Variants in CACNA1E observed in about 807,000 individuals in gnomAD.
CACNA1E encodes the protein voltage-dependent R-type calcium channel subunit alpha-1E.
Under a neutral mutation model 259.2 loss-of-function variants are expected in CACNA1E, and 40 were observed. The observed-to-expected ratio is 0.15, with a 90% CI of 0.12 to 0.20. The LOEUF (loss-of-function observed/expected upper bound fraction) is 0.20. Ranked by LOEUF, CACNA1E falls within the 10% of genes least tolerant of loss-of-function variation. The probability of loss-of-function intolerance (pLI) is 1.00; values close to 1 mark genes in which losing one functional copy is unlikely to be tolerated. For missense variants in CACNA1E, 1,874 were observed against 3,040.1 expected (o/e 0.62, Z 9.02); for synonymous variants, 1,104 against 1,138.5 (o/e 0.97, Z 0.61).
chr1:181,728,901 G>A (rs1359555755), intron 18 of CACNA1E, among the ~76,000 whole-genome samples: 10 of 124,894 alleles, frequency 8.0e-5, no homozygotes, highest in Non-Finnish European at 1.5e-4. Context: ...GCTCAGCTGT[G>A]TGTGCCCTGC....
At chr1:181,714,491 C>T (rs997599491) in intron 8 of CACNA1E, among the ~76,000 whole-genome samples, 2 of 152,086 alleles carry the variant, frequency 1.3e-5, no homozygotes, top group Non-Finnish European at 2.9e-5. Flanking sequence ...ATTAAACCAT[C>T]GGCCATTGGC....
chr1:181,470,411 C>G (rs1662430052), intron 2 of CACNA1E, among the ~76,000 whole-genome samples: 1 of 152,004 alleles, frequency 6.6e-6, no homozygotes, highest in African/African-American at 2.4e-5. Flanking sequence ...TCTATGTTCT[C>G]TATTCTCTCT....
chr1:181,788,694 G>A (rs1661049243), intron 43 of CACNA1E, among the ~76,000 whole-genome samples: 1 of 152,186 alleles, frequency 6.6e-6, no homozygotes, highest in Non-Finnish European at 1.5e-5. Context: ...AGATCATGAG[G>A]GAGGCTGTGT....
At chr1:181,367,594 T>A (rs955428327) in intron 1 of CACNA1E, among the ~76,000 whole-genome samples, 3 of 134,270 alleles carry the variant, frequency 2.2e-5, no homozygotes, top group African/African-American at 5.4e-5. Context: ...ATATAATATA[T>A]AACTATAATA....
chr1:181,643,506 C>T (rs1203261316), intron 6 of CACNA1E, among the ~76,000 whole-genome samples: 5 of 152,174 alleles, frequency 3.3e-5, no homozygotes, highest in African/African-American at 9.7e-5. Flanking sequence ...TGGGTTTTCA[C>T]TGACACACGG....
intron 3 of CACNA1E, among the ~76,000 whole-genome samples, chr1:181,521,988 G>A (rs1486344226): frequency 1.3e-5 from 2 of 152,170 alleles, no homozygotes; most frequent in East Asian, 1.9e-4. Context: ...TCAGGGCCTC[G>A]TTGGCATGTC....
At chr1:181,796,516 C>G (rs991492927) in intron 46 of CACNA1E, among the ~76,000 whole-genome samples, 152 bp from the exon 47 acceptor site, 1 of 152,118 alleles carries the variant, frequency 6.6e-6, no homozygotes, top group African/African-American at 2.4e-5. Context: ...CAAATTAGGC[C>G]TCAACATTTG....
chr1:181,783,664 TTC>T lies in CACNA1E; in HGVS notation c.5365-11_5365-10del. On this transcript the variant is annotated splice_polypyrimidine_tract_variant and intron_variant, in intron 39 of 47. Transcript: ENST00000367573. ...TTTTTTTTTGCCTGCTGTTTCTTTT[TTC>T]TCTTTCACACAGAGGTTGGTCCTGA... 1 of 1,519,162 alleles carries T rather than the reference TTC, an allele frequency of 6.6e-7. No individual in the cohort carries two copies. Among genetic ancestry groups the T allele is most frequent in the Non-Finnish European group, 9.0e-7 (1 of 1,106,130 alleles). 94.1% of individuals were successfully genotyped at this position (1,519,162 alleles called of 1,614,324 possible). A position where few individuals can be genotyped will look rare whatever the true frequency, so the allele number is the denominator to read the frequency against.
intron 25 of CACNA1E, among the ~76,000 whole-genome samples, chr1:181,743,138 A>G (rs1047118624): frequency 6.6e-6 from 1 of 152,204 alleles, no homozygotes; most frequent in Non-Finnish European, 1.5e-5. Flanking sequence ...GGTTGGGTTC[A>G]GGGCTTCGTT....
chr1:181,460,251 G>T (rs1449038850), intron 2 of CACNA1E, among the ~76,000 whole-genome samples: 1 of 152,174 alleles, frequency 6.6e-6, no homozygotes, highest in African/African-American at 2.4e-5. Context: ...GACTCTGGTT[G>T]CAGTTTGGAG....
rs2102927395 is a variant in CACNA1E, at chr1:181,801,863, T to G, written c.*3029T>G. On this transcript the variant is annotated 3_prime_UTR_variant, in exon 48 of 48. Transcript: ENST00000367573. Reference sequence around the variant, plus strand: ...TTCTCTTGCTAATATATGACTCGTCTTCACCATCTCCTCAAAACAAGAGCA... The same window carrying G: ...TTCTCTTGCTAATATATGACTCGTCGTCACCATCTCCTCAAAACAAGAGCA... 1 of 152,354 alleles carries G rather than the reference T, an allele frequency of 6.6e-6. No individual in the cohort carries two copies. Among genetic ancestry groups the G allele is most frequent in the Non-Finnish European group, 1.5e-5 (1 of 68,036 alleles). 9.4% of individuals were successfully genotyped at this position (152,354 alleles called of 1,614,324 possible). A position where few individuals can be genotyped will look rare whatever the true frequency, so the allele number is the denominator to read the frequency against.
In CACNA1E at chr1:181,715,344, T is replaced by A; in HGVS notation, c.1178T>A (p.Val393Asp). The change falls in exon 9 of 48, where the codon GTC (valine) becomes GAC (aspartate). Residue 393 changes from valine (V) to aspartate (D), a missense_variant. Physicochemically the swap from Val to Asp is radical, Grantham distance 152. Around this residue, in one of 14 missense-constraint regions of CACNA1E, gnomAD observed 157 missense variants for 203.5 expected, o/e 0.77. Transcript: ENST00000367573. ...YRAWIDKAEEVMLAEENKNAG... is the reference protein window; with the variant it reads ...YRAWIDKAEEDMLAEENKNAG... Reference sequence around the variant, plus strand: ...ACCATTTGTTTCCATATAGAGGAAGTCATGCTCGCTGAAGAAAATAAAAAT... The same window carrying A: ...ACCATTTGTTTCCATATAGAGGAAGACATGCTCGCTGAAGAAAATAAAAAT... 6.3e-7 allele frequency: 1 copy of A among 1,591,450 alleles called. No individual in the cohort carries two copies. Among genetic ancestry groups the A allele is most frequent in the Non-Finnish European group, 8.6e-7 (1 of 1,162,144 alleles).
chr1:181,447,435 G>A (rs1303518928), intron 2 of CACNA1E, among the ~76,000 whole-genome samples: 1 of 151,994 alleles, frequency 6.6e-6, no homozygotes, highest in Non-Finnish European at 1.5e-5. Context: ...GGAGCCTGAG[G>A]TGGGAGGATG....
intron 2 of CACNA1E, among the ~76,000 whole-genome samples, chr1:181,434,654 A>C (rs1659950902): frequency 6.6e-6 from 1 of 152,200 alleles, no homozygotes; most frequent in East Asian, 1.9e-4. Context: ...AGCAAGTTAA[A>C]GACCTTGAAG....
Position 181,483,715 on chromosome 1 carries a change from T to G in CACNA1E, c.-30T>G, listed in dbSNP as rs1456620683. ...GCGGGTGTTCGGCCGCGATCACCTT[T>G]GTGTGTCTTCTGTCTGTTTAAACCT... On this transcript the variant is annotated 5_prime_UTR_variant, in exon 1 of 48. Transcript: ENST00000367573. 1.9e-6 allele frequency: 3 copies of G among 1,557,046 alleles called. No individual in the cohort carries two copies. Among genetic ancestry groups the G allele is most frequent in the Admixed American group, 3.7e-5 (2 of 53,846 alleles).
chr1:181,338,648 A>G (rs1243611083), intron 1 of CACNA1E, among the ~76,000 whole-genome samples: 1 of 152,100 alleles, frequency 6.6e-6, no homozygotes, highest in East Asian at 1.9e-4. Flanking sequence ...GCTGTTCAGA[A>G]GCTTTTTAGT....
intron 3 of CACNA1E, among the ~76,000 whole-genome samples, chr1:181,563,630 C>G (rs1021565989): frequency 2.0e-5 from 3 of 152,148 alleles, no homozygotes; most frequent in Non-Finnish European, 2.9e-5. Flanking sequence ...ATTTTTCAGT[C>G]TTCCAGAAGG....
chr1:181,750,534 T>G (rs780983044), intron 26 of CACNA1E, 47 bp downstream of exon 26: 1 of 1,591,988 alleles, frequency 6.3e-7, no homozygotes, highest in South Asian at 1.1e-5. Flanking sequence ...AAGGAATGAG[T>G]TGGAGGAGCG....
Position 181,451,030 on chromosome 1 carries a change from A to G in CACNA1E, c.435-32714A>G, listed in dbSNP as rs78819786. On this transcript the variant is annotated intron_variant, in intron 2 of 11. Coordinates refer to the CACNA1E transcript ENST00000524607. The stretch of plus-strand genomic sequence containing the variant: ...CTGGATGGTGATAGTGGAGCCATTG[A>G]TGGCTACAGAGACAGAGAAGGCAGC... Among the ~76,000 whole-genome samples the G allele has an allele frequency of 1.5e-3, 221 of 152,318 alleles. 2 individuals are homozygous for G. In the Middle Eastern group the frequency reaches 0.024, roughly 16 times the overall value.
Sources: gnomAD v4.1 joint callset for allele counts (sites outside exome capture counted in the v4.1 genomes callset) on GRCh38, gnomAD v4.1.1 for gene constraint, gnomAD v4.1.1 regional missense constraint, MANE v1.5 for transcripts, NCBI Gene and HGNC (gene_info 2026-07-23, HGNC 2026-07-21) for gene names.